The following MROH9 variants were observed in gnomAD, a reference collection of about 807,000 sequenced individuals.
MROH9 encodes the protein maestro heat-like repeat-containing protein family member 9.
Under a neutral mutation model 98.2 loss-of-function variants are expected in MROH9, and 92 were observed. That is an observed-to-expected ratio of 0.94 (90% CI 0.79 to 1.11). The LOEUF (loss-of-function observed/expected upper bound fraction) is 1.11, where lower values mean the gene tolerates loss of function less well. Among genes scored for constraint, MROH9 ranks in the 50% most tolerant of loss-of-function variants. MROH9 has a pLI of 0.00. For synonymous variants in MROH9, 397 were observed against 368.9 expected, an observed-to-expected ratio of 1.08 and a Z score of -0.87; for missense variants, 1,057 against 1,014.8, an observed-to-expected ratio of 1.04 and a Z score of -0.57.
At chr1:171,017,953 T>G (rs1489673484) in intron 17 of MROH9, among the ~76,000 whole-genome samples, 1 of 152,122 alleles carries the variant, frequency 6.6e-6, no homozygotes, top group African/African-American at 2.4e-5. Flanking sequence ...CCAGCAGACA[T>G]AGTCTTTCCT....
intron 17 of MROH9, among the ~76,000 whole-genome samples, chr1:171,017,066 A>T (rs1201248563): frequency 1.3e-5 from 2 of 152,266 alleles, no homozygotes; most frequent in Non-Finnish European, 2.9e-5. Flanking sequence ...TTATGAAAAA[A>T]AGTAGTGGCA....
intron 20 of MROH9, among the ~76,000 whole-genome samples, chr1:171,030,151 C>G (rs965708341): frequency 6.6e-6 from 1 of 152,058 alleles, no homozygotes; most frequent in African/African-American, 2.4e-5. Flanking sequence ...ATTTCCTTAT[C>G]AGTTTTTATT....
intron 20 of MROH9, among the ~76,000 whole-genome samples, chr1:171,027,901 T>C (rs755187708): frequency 2.6e-5 from 4 of 152,128 alleles, no homozygotes; most frequent in Admixed American, 6.6e-5. Flanking sequence ...GAGGGGGTTG[T>C]TTTTTGTTGT....
Position 171,024,411 on chromosome 1 carries a change from G to GA in MROH9, c.1927dup (p.Ser643LysfsTer12). ...CTTTTACAGATTAATGGAGGCATTC[G>GA]AAGTATGGCAATTCGACACTTTGGT... On this transcript the variant is annotated frameshift_variant, in exon 18 of 22. Coordinates refer to ENST00000367759, the MANE Select transcript of MROH9 (RefSeq NM_001163629.2). LOFTEE classifies it high-confidence loss of function. The GA allele has an allele frequency of 6.5e-7, 1 of 1,549,676 alleles. No individual in the cohort carries two copies. Among genetic ancestry groups the GA allele is most frequent in the Non-Finnish European group, 8.7e-7 (1 of 1,146,128 alleles).
intron 15 of MROH9, among the ~76,000 whole-genome samples, chr1:171,004,030 G>A (rs1256003400): frequency 6.6e-6 from 1 of 151,992 alleles, no homozygotes; most frequent in African/African-American, 2.4e-5. Flanking sequence ...TGGGGAAAGT[G>A]GCAGTCACGA....
intron 20 of MROH9, among the ~76,000 whole-genome samples, chr1:171,043,566 T>C (rs1034516450): frequency 6.6e-6 from 1 of 152,222 alleles, no homozygotes; most frequent in Admixed American, 6.5e-5. Context: ...GTAGATTGCT[T>C]TGTGTAGTAT....
intron 8 of MROH9, among the ~76,000 whole-genome samples, chr1:170,978,854 C>G (rs1300429320): frequency 1.3e-5 from 2 of 152,080 alleles, no homozygotes; most frequent in Admixed American, 6.6e-5. Context: ...CCTTTGGTCC[C>G]CACAGACTCT....
chr1:171,046,342 A>G (rs1018936820), intron 20 of MROH9, among the ~76,000 whole-genome samples: 2 of 151,974 alleles, frequency 1.3e-5, no homozygotes, highest in African/African-American at 4.8e-5. Context: ...TATTATTTGT[A>G]TTCTAGTTGT....
intron 1 of MROH9, among the ~76,000 whole-genome samples, chr1:170,943,549 A>G (rs756572507): frequency 1.1e-4 from 17 of 152,044 alleles, no homozygotes; most frequent in African/African-American, 4.8e-5. Context: ...AAGTCAATCA[A>G]TGATGAGCTC....
At chr1:170,967,566 T>A (rs1014519619) in intron 7 of MROH9, among the ~76,000 whole-genome samples, 4 of 152,232 alleles carry the variant, frequency 2.6e-5, no homozygotes, top group Non-Finnish European at 5.9e-5. Flanking sequence ...TGTTATCTGG[T>A]ACTGTTCCTA....
At chr1:171,010,063 A>G (rs1374356367) in intron 15 of MROH9, among the ~76,000 whole-genome samples, 1 of 152,144 alleles carries the variant, frequency 6.6e-6, no homozygotes, top group Non-Finnish European at 1.5e-5. Context: ...CCCATCACCT[A>G]CATTAGGTAT....
intron 3 of MROH9, among the ~76,000 whole-genome samples, chr1:170,952,574 G>A (rs538036559): frequency 1.0e-4 from 15 of 145,312 alleles, no homozygotes; most frequent in African/African-American, 2.0e-4. Flanking sequence ...CACAGGAAGC[G>A]GAACATCACA....
intron 20 of MROH9, among the ~76,000 whole-genome samples, chr1:171,028,405 T>C (rs1327944847): frequency 6.6e-6 from 1 of 152,192 alleles, no homozygotes; most frequent in Non-Finnish European, 1.5e-5. Flanking sequence ...TTGGTACCAG[T>C]ACCATGTTGT....
intron 1 of MROH9, among the ~76,000 whole-genome samples, chr1:170,942,351 T>C (rs1649150732): frequency 6.9e-6 from 1 of 145,716 alleles, no homozygotes; most frequent in Admixed American, 7.0e-5. Context: ...TACAGTTTCC[T>C]CCGGCAATGT....
At chr1:170,962,307 A>G (rs143750797) in intron 6 of MROH9, among the ~76,000 whole-genome samples, 212 of 152,276 alleles carry the variant, frequency 1.4e-3, no homozygotes, top group African/African-American at 5.0e-3. Context: ...TTCACATAGC[A>G]ATGAAACCAT....
chr1:170,992,196 C>T lies in MROH9; in HGVS notation c.1061C>T (p.Ser354Phe). 2 of 1,612,472 alleles carry T rather than the reference C, an allele frequency of 1.2e-6. No individual in the cohort carries two copies. The highest frequency in any genetic ancestry group is 1.7e-6 in the Non-Finnish European group (2 of 1,179,246). Residue 354 changes from serine (S) to phenylalanine (F), a missense_variant, in exon 12 of 22, where the codon TCT becomes TTT. By Grantham distance (155) the Ser-to-Phe change is radical (BLOSUM62 -2). Coordinates refer to ENST00000367759, the MANE Select transcript of MROH9 (RefSeq NM_001163629.2). ...TLIQMWKAAC[S>F]QASVAPHVLK... is the part of the protein sequence containing the mutation. Reference sequence around the variant, plus strand: ...ATACAGATGTGGAAGGCGGCATGTTCTCAGGCGAGCGTGGCCCCTCACGTG... The same window carrying T: ...ATACAGATGTGGAAGGCGGCATGTTTTCAGGCGAGCGTGGCCCCTCACGTG...
In MROH9 at chr1:170,964,742, G is replaced by A. The variant is rs796260605; in HGVS notation, c.376-409G>A. Among the ~76,000 whole-genome samples the A allele has an allele frequency of 3.3e-5, 5 of 151,980 alleles. No individual in the cohort carries two copies. In the South Asian group the frequency reaches 1.0e-3, roughly 32 times the overall value. ...ATTCTGGAATAAGATGATATTGCAG[G>A]ATCAGACAAGATTTTAAATCTCTTT... On this transcript the variant is annotated intron_variant, in intron 6 of 21. Coordinates refer to ENST00000367759, the MANE Select transcript of MROH9 (RefSeq NM_001163629.2).
chr1:170,958,141 G>A (rs1649851124), intron 3 of MROH9, among the ~76,000 whole-genome samples: 1 of 152,040 alleles, frequency 6.6e-6, no homozygotes, highest in Admixed American at 6.6e-5. Context: ...ACTCCACACT[G>A]TGTAGATGGG....
At chr1:170,984,473 A>C (rs925017199) in intron 9 of MROH9, among the ~76,000 whole-genome samples, 11 of 152,218 alleles carry the variant, frequency 7.2e-5, no homozygotes, top group Non-Finnish European at 1.3e-4. Flanking sequence ...AGCCTGGATG[A>C]CTATGTTCAT....
Sources: allele counts gnomAD v4.1 joint callset (sites outside exome capture counted in the v4.1 genomes callset), GRCh38; gene constraint gnomAD v4.1.1; transcripts MANE v1.5; gene names NCBI Gene and HGNC (gene_info 2026-07-23, HGNC 2026-07-21).